Variants in CKAP5 observed in about 807,000 individuals in gnomAD.
CKAP5 encodes cytoskeleton-associated protein 5.
CKAP5 carries 27 observed loss-of-function variants against 232.8 expected under a neutral mutation model. That is an observed-to-expected ratio of 0.12 (90% confidence interval 0.09 to 0.16). CKAP5 has a LOEUF of 0.16. Ranked by LOEUF, CKAP5 falls within the 10% of genes least tolerant of loss-of-function variation. CKAP5 has a pLI of 1.00. For missense variants in CKAP5, 1,838 were observed against 2,424.7 expected (o/e 0.76, Z 5.08); for synonymous variants, 785 against 841.1 (o/e 0.93, Z 1.16).
chr11:46,827,608 A>G (rs1314836181), intron 1 of CKAP5, among the ~76,000 whole-genome samples: 1 of 152,126 alleles, frequency 6.6e-6, no homozygotes, highest in African/African-American at 2.4e-5. Context: ...ACAACTAACC[A>G]AAACCATACC....
intron 20 of CKAP5, 107 bp downstream of exon 20, chr11:46,780,087 G>C (rs1592452672): frequency 3.3e-6 from 4 of 1,214,374 alleles, no homozygotes; most frequent in Non-Finnish European, 4.7e-6. Context: ...CCTTCCTCAG[G>C]CTCCTGAGTA....
chr11:46,775,411 G>T (rs1439657212), intron 24 of CKAP5, among the ~76,000 whole-genome samples: 1 of 152,314 alleles, frequency 6.6e-6, no homozygotes, highest in East Asian at 1.9e-4. Context: ...GGAAGACAGT[G>T]TGGCAATTCC....
At chr11:46,803,458 G>C (rs1339222469) in intron 8 of CKAP5, among the ~76,000 whole-genome samples, 1 of 152,002 alleles carries the variant, frequency 6.6e-6, no homozygotes, top group African/African-American at 2.4e-5. Flanking sequence ...TGTAGAAACA[G>C]AGTTTCTTCA....
intron 2 of CKAP5, 131 bp from the exon 3 acceptor site, chr11:46,818,634 T>C: frequency 3.3e-6 from 2 of 601,458 alleles, no homozygotes; most frequent in East Asian, 6.3e-5. Flanking sequence ...AAGGACCCCA[T>C]GACTAGAAAT....
chr11:46,760,926 C>G, intron 32 of CKAP5, 142 bp from the exon 33 acceptor site: 1 of 704,952 alleles, frequency 1.4e-6, no homozygotes, highest in African/African-American at 1.8e-5. Context: ...TTAATACCTG[C>G]CTAGCTGCTA....
intron 25 of CKAP5, 36 bp downstream of exon 25, chr11:46,770,752 G>A (rs760745284): frequency 1.3e-6 from 2 of 1,581,236 alleles, no homozygotes; most frequent in Non-Finnish European, 1.7e-6. Context: ...TTTTTTAATA[G>A]CTTTTAACAG....
At chr11:46,799,738 C>T (rs11038996) in intron 9 of CKAP5, among the ~76,000 whole-genome samples, 130 of 152,300 alleles carry the variant, frequency 8.5e-4, no homozygotes, top group East Asian at 8.3e-3. Flanking sequence ...GTGGCTCAAG[C>T]CTGTAATCCC....
At chr11:46,748,264 A>T (rs576886406) in intron 42 of CKAP5, among the ~76,000 whole-genome samples, 45 of 152,310 alleles carry the variant, frequency 3.0e-4, no homozygotes, top group African/African-American at 7.9e-4. Context: ...GCAGGGTGGA[A>T]GCAGGGAGAT....
intron 1 of CKAP5, among the ~76,000 whole-genome samples, chr11:46,834,265 T>C (rs1238685793): frequency 6.6e-6 from 1 of 152,038 alleles, no homozygotes; most frequent in African/African-American, 2.4e-5. Context: ...ACACTTGTAA[T>C]CCCAGCACTT....
intron 27 of CKAP5, among the ~76,000 whole-genome samples, chr11:46,765,628 G>A (rs1592442474): frequency 1.7e-5 from 2 of 119,708 alleles, no homozygotes; most frequent in African/African-American, 6.5e-5. Flanking sequence ...TTTTTGAGAC[G>A]GAGTCTCACT....
intron 17 of CKAP5, among the ~76,000 whole-genome samples, 164 bp downstream of exon 17, chr11:46,784,324 T>A (rs571380414): frequency 6.6e-6 from 1 of 152,032 alleles, no homozygotes; most frequent in African/African-American, 2.4e-5. Context: ...GATTGCACCA[T>A]TGCATTCCAG....
chr11:46,811,868 A>T (rs1316060334), intron 4 of CKAP5, among the ~76,000 whole-genome samples: 1 of 152,238 alleles, frequency 6.6e-6, no homozygotes, highest in Non-Finnish European at 1.5e-5. Context: ...ACTTTTAATA[A>T]ACCTTTAATA....
At chr11:46,762,459 G>A (rs2065163401) in intron 31 of CKAP5, 168 bp downstream of exon 31, 2 of 949,956 alleles carry the variant, frequency 2.1e-6, no homozygotes, top group Non-Finnish European at 1.7e-6. Context: ...TGTATCACCT[G>A]ATACCATGGC....
chr11:46,841,486 T>C (rs1940051098), intron 1 of CKAP5, among the ~76,000 whole-genome samples: 1 of 152,174 alleles, frequency 6.6e-6, no homozygotes, highest in Non-Finnish European at 1.5e-5. Flanking sequence ...CTAGAATGAC[T>C]TGGCTCACAG....
In CKAP5 at chr11:46,798,067, C is replaced by G. The variant is rs1938922658; in HGVS notation, c.1173+16G>C. On this transcript the variant is annotated intron_variant, in intron 10 of 43. Coordinates refer to ENST00000529230, the MANE Select transcript of CKAP5 (RefSeq NM_001008938.4). Reference sequence around the variant, plus strand: ...TTTACTTCAGATAAAACTACAAACTCATGCTGTCAACTTACAGTAAGGAAG... The same window carrying G: ...TTTACTTCAGATAAAACTACAAACTGATGCTGTCAACTTACAGTAAGGAAG... 1 of 1,611,648 alleles carries G rather than the reference C, an allele frequency of 6.2e-7. No individual in the cohort carries two copies.
chr11:46,758,635 G>T (rs2065129239), intron 35 of CKAP5: 1 of 224,296 alleles, frequency 4.5e-6, no homozygotes, highest in Middle Eastern at 1.4e-3. Flanking sequence ...GTTTGGGGCT[G>T]CAATGTGCTA....
intron 35 of CKAP5, among the ~76,000 whole-genome samples, chr11:46,757,630 C>A (rs1261780942): frequency 6.6e-6 from 1 of 151,970 alleles, no homozygotes; most frequent in Non-Finnish European, 1.5e-5. Context: ...CTCTGTCACC[C>A]AGGCTGGGGT....
At chr11:46,818,534 C>A in intron 2 of CKAP5, 31 bp from the exon 3 acceptor site, 2 of 1,431,088 alleles carry the variant, frequency 1.4e-6, no homozygotes, top group Non-Finnish European at 1.9e-6. Flanking sequence ...TGAAACAAAA[C>A]ATAATTTAAT....
Position 46,790,574 on chromosome 11 carries a change from G to T in CKAP5, c.1660C>A (p.Pro554Thr). The change falls in exon 14 of 44, where the codon CCA (proline) becomes ACA (threonine). Residue 554 changes from proline (P) to threonine (T), a missense_variant. This residue lies in a region of CKAP5 where 767 missense variants were observed against 954.6 expected (regional missense o/e 0.80). Coordinates refer to ENST00000529230, the MANE Select transcript of CKAP5 (RefSeq NM_001008938.4). ...GCAGCTGGTTTCCCCTTTTTTGGTG[G>T]CCCACCAGCCTAAAAACAATTTAAA... ...KKAPAAKAGG[P>T]PKKGKPAAPG... 1 of 1,610,172 alleles carries T rather than the reference G, an allele frequency of 6.2e-7. No homozygotes were observed. The highest frequency in any genetic ancestry group is 8.5e-7 in the Non-Finnish European group (1 of 1,176,936).
Sources: gnomAD v4.1 joint callset for allele counts (sites outside exome capture counted in the v4.1 genomes callset) on GRCh38, gnomAD v4.1.1 for gene constraint, gnomAD v4.1.1 regional missense constraint, MANE v1.5 for transcripts, NCBI Gene and HGNC (gene_info 2026-07-23, HGNC 2026-07-21) for gene names.